The following UVSSA variants were observed in gnomAD, a reference collection of about 807,000 sequenced individuals.
UVSSA encodes UV-stimulated scaffold protein A.
Under a neutral mutation model 73.9 loss-of-function variants are expected in UVSSA, and 72 were observed. That is an observed-to-expected ratio of 0.97 (90% CI 0.81 to 1.19). The LOEUF is 1.19. Ranked by LOEUF, UVSSA falls within the 50% of genes most tolerant of loss-of-function variation. The pLI, the probability that UVSSA is intolerant of heterozygous loss-of-function variation, is 0.00. For synonymous variants in UVSSA, 454 were observed against 391.3 expected (o/e 1.16, Z -1.89); for missense variants, 1,150 against 965.0 (o/e 1.19, Z -2.54).
intron 8 of UVSSA, among the ~76,000 whole-genome samples, chr4:1,374,560 G>A (rs1353317059): frequency 4.6e-5 from 7 of 152,356 alleles, no homozygotes; most frequent in East Asian, 1.9e-4. Context: ...CCTCGTCCCT[G>A]TCATCTCTGT....
At chr4:1,389,446 A>C (rs943185389), downstream of UVSSA, 2 of 152,318 alleles carry the variant, frequency 1.3e-5, no homozygotes, top group African/African-American at 4.8e-5. Flanking sequence ...ATCATGGCTC[A>C]CTACAGCTTT....
intron 12 of UVSSA, among the ~76,000 whole-genome samples, chr4:1,381,771 G>A (rs1462357165): frequency 2.0e-5 from 3 of 149,570 alleles, no homozygotes; most frequent in African/African-American, 5.0e-5. Flanking sequence ...TCCCAGGTTC[G>A]AGCGATCCTC....
intron 7 of UVSSA, chr4:1,366,071 C>T (rs961251824): frequency 9.6e-6 from 3 of 312,868 alleles, no homozygotes; most frequent in African/African-American, 6.4e-5. Flanking sequence ...GCCAGGGTTA[C>T]AGTTCGTGGT....
At chr4:1,378,437 C>T (rs1719039077) in intron 10 of UVSSA, among the ~76,000 whole-genome samples, 1 of 152,218 alleles carries the variant, frequency 6.6e-6, no homozygotes, top group Non-Finnish European at 1.5e-5. Flanking sequence ...CCTGTAATCC[C>T]AGCTACTCGA....
chr4:1,359,883 C>T (rs1327180720), intron 7 of UVSSA, among the ~76,000 whole-genome samples: 2 of 152,178 alleles, frequency 1.3e-5, no homozygotes, highest in African/African-American at 4.8e-5. Flanking sequence ...CTGTCAGCCC[C>T]TGGGATCGAG....
chr4:1,350,066 C>CT (rs1714461584), intron 3 of UVSSA, among the ~76,000 whole-genome samples: 1 of 152,158 alleles, frequency 6.6e-6, no homozygotes, highest in African/African-American at 2.4e-5. Flanking sequence ...CGGCGCAGCT[C>CT]TGAGAGGAAG....
intron 7 of UVSSA, among the ~76,000 whole-genome samples, chr4:1,364,512 C>T (rs1717057702): frequency 6.6e-6 from 1 of 152,360 alleles, no homozygotes. Flanking sequence ...CTTCAGGAAA[C>T]AGCTGCGATC....
intron 8 of UVSSA, among the ~76,000 whole-genome samples, chr4:1,370,747 C>T (rs1717930496): frequency 6.6e-6 from 1 of 152,248 alleles, no homozygotes; most frequent in Admixed American, 6.5e-5. Context: ...CTACTGAGCA[C>T]AGGGTGCATG....
chr4:1,366,506 G>T, intron 8 of UVSSA, 75 bp downstream of exon 8: 2 of 1,107,268 alleles, frequency 1.8e-6, no homozygotes, highest in South Asian at 3.0e-5. Flanking sequence ...TTGGGGTCAT[G>T]ACCTCAGGGG....
At chr4:1,370,427 G>T (rs1293718983) in intron 8 of UVSSA, among the ~76,000 whole-genome samples, 29 of 152,246 alleles carry the variant, frequency 1.9e-4, no homozygotes, top group Non-Finnish European at 2.2e-4. Flanking sequence ...GCGCCTCGGG[G>T]CTGGAGGTCC....
At chr4:1,365,925 C>T (rs986341773) in intron 7 of UVSSA, among the ~76,000 whole-genome samples, 4 of 151,152 alleles carry the variant, frequency 2.6e-5, no homozygotes, top group African/African-American at 4.9e-5. Flanking sequence ...CCCTAAGCCT[C>T]GGGGGCACCA....
chr4:1,353,690 G>C (rs1471961821), intron 5 of UVSSA, among the ~76,000 whole-genome samples: 3 of 152,228 alleles, frequency 2.0e-5, no homozygotes. Flanking sequence ...CACAGGATTG[G>C]GGTGAGGTGG....
rs141095512 is a variant in UVSSA, at chr4:1,351,739, C to T, written c.454C>T (p.Arg152Trp). Residue 152 changes from arginine (R) to tryptophan (W), a missense_variant, in exon 4 of 14, where the codon CGG becomes TGG. Transcript: ENST00000389851. ...GGTGGATTTTCAAGACACGAATGCT[C>T]GGAGTCTGGCAGAAAGGAAGAGAGA... ...KKVDFQDTNARSLAERKREEE... is the reference protein window; with the variant it reads ...KKVDFQDTNAWSLAERKREEE... 1.1e-4 allele frequency: 184 copies of T among 1,613,464 alleles called. 1 individual carries two copies. Among genetic ancestry groups the T allele is most frequent in the Admixed American group, 8.2e-4 (49 of 60,014 alleles).
At chr4:1,393,569 A>ATAGAT (rs1222438053) in exon 14 of UVSSA, 9 of 126,186 alleles carry the variant, frequency 7.1e-5, no homozygotes, top group African/African-American at 2.7e-4. Flanking sequence ...AGATAGATAG[A>ATAGAT]TAGATTAGAT....
chr4:1,342,988 G>A (rs528770389), upstream of UVSSA, among the ~76,000 whole-genome samples: 20 of 152,172 alleles, frequency 1.3e-4, no homozygotes, highest in African/African-American at 4.8e-5. Flanking sequence ...TTCCACGCAC[G>A]TTGTAAAATC....
chr4:1,374,435 T>C (rs535587263), intron 8 of UVSSA, among the ~76,000 whole-genome samples: 38 of 152,320 alleles, frequency 2.5e-4, no homozygotes, highest in African/African-American at 9.1e-4. Flanking sequence ...AAGCGCAGGC[T>C]GTGGTGCAGG....
Position 1,347,753 on chromosome 4 carries a change from G to A in UVSSA, c.-10G>A. ...CAGCCTTGCTGGAGGCTGCCCTGCGGAATCTGAGTGAATAAGGGAAACAGC... is the reference window on the plus strand; with the variant it reads ...CAGCCTTGCTGGAGGCTGCCCTGCGAAATCTGAGTGAATAAGGGAAACAGC... On this transcript the variant is annotated 5_prime_UTR_variant, in exon 1 of 14. Transcript: ENST00000389851. 4.3e-6 allele frequency: 1 copy of A among 232,598 alleles called. No homozygotes were observed. The highest frequency in any genetic ancestry group is 5.9e-5 in the South Asian group (1 of 17,062). 14.4% of individuals were successfully genotyped at this position (232,598 alleles called of 1,614,324 possible).
chr4:1,383,437 C>T (rs1276868561), intron 12 of UVSSA, among the ~76,000 whole-genome samples: 1 of 152,198 alleles, frequency 6.6e-6, no homozygotes, highest in African/African-American at 2.4e-5. Context: ...GCCTGGGAGG[C>T]CCATGGGTGC....
intron 8 of UVSSA, among the ~76,000 whole-genome samples, chr4:1,372,621 G>C (rs1718197704): frequency 6.6e-6 from 1 of 151,776 alleles, no homozygotes; most frequent in Non-Finnish European, 1.5e-5. Flanking sequence ...CGTGGGTTTG[G>C]GGTAGGGACA....
Sources: allele counts gnomAD v4.1 joint callset (sites outside exome capture counted in the v4.1 genomes callset), GRCh38; gene constraint gnomAD v4.1.1; transcripts MANE v1.5; gene names NCBI Gene and HGNC (gene_info 2026-07-23, HGNC 2026-07-21).